The following ITPR1 variants were observed in gnomAD, a reference collection of about 807,000 sequenced individuals.
ITPR1 encodes inositol 1,4,5-trisphosphate-gated calcium channel ITPR1.
In ITPR1, 96 loss-of-function variants were observed where a neutral mutation model predicts 318.4. The observed-to-expected ratio is 0.30, with a 90% CI of 0.26 to 0.36. The LOEUF (loss-of-function observed/expected upper bound fraction) is 0.36, where lower values mean the gene tolerates loss of function less well. Ranked by LOEUF, ITPR1 falls within the 10% of genes least tolerant of loss-of-function variation. ITPR1 has a pLI of 1.00. For synonymous variants in ITPR1, 1,312 were observed against 1,289.9 expected, an observed-to-expected ratio of 1.02 and a Z score of -0.37; for missense variants, 2,440 against 3,460.2, an observed-to-expected ratio of 0.71 and a Z score of 7.40.
At chr3:4,563,171 G>A (rs991239088) in intron 4 of ITPR1, among the ~76,000 whole-genome samples, 1 of 152,110 alleles carries the variant, frequency 6.6e-6, no homozygotes, top group African/African-American at 2.4e-5. Context: ...GGAGCCTATT[G>A]GTGTGTCTTG....
At chr3:4,638,430 G>A (rs1464859744) in intron 5 of ITPR1, among the ~76,000 whole-genome samples, 3 of 152,166 alleles carry the variant, frequency 2.0e-5, no homozygotes. Context: ...AGTTGCACAG[G>A]TGAATGAATT....
intron 44 of ITPR1, among the ~76,000 whole-genome samples, chr3:4,741,764 G>C (rs544188270): frequency 2.0e-5 from 3 of 152,284 alleles, no homozygotes; most frequent in African/African-American, 7.2e-5. Flanking sequence ...GATCAGCCTT[G>C]GTTTGACAGG....
rs1444438302 is a variant in ITPR1, at chr3:4,710,593, G to A, written c.4991+120G>A. 1.0e-6 allele frequency: 1 copy of A among 989,316 alleles called. No individual in the cohort carries two copies. The highest frequency in any genetic ancestry group is 2.7e-5 in the East Asian group (1 of 37,324). 61.3% of individuals were successfully genotyped at this position (989,316 alleles called of 1,614,324 possible). ...TTAACTTTGATGAATGCAAGGTCATGTGCTAAAGTCCTGTTCTGACCTCCC... is the reference window on the plus strand; with the variant it reads ...TTAACTTTGATGAATGCAAGGTCATATGCTAAAGTCCTGTTCTGACCTCCC... On this transcript the variant is annotated intron_variant, in intron 38 of 61. Transcript: ENST00000649015. This position sits in a 1 kb window ranked among gnomAD's most constrained non-coding sequence, Gnocchi z 4.2.
At chr3:4,683,205 T>G (rs530917329) in intron 26 of ITPR1, among the ~76,000 whole-genome samples, 181 bp from the exon 27 acceptor site, 1 of 152,300 alleles carries the variant, frequency 6.6e-6, no homozygotes, top group South Asian at 2.1e-4. Context: ...TCCCCTCACC[T>G]CATAATATAG....
At chr3:4,735,122 G>C (rs180838278) in intron 43 of ITPR1, 42 bp from the exon 44 acceptor site, 2 of 1,511,972 alleles carry the variant, frequency 1.3e-6, no homozygotes, top group Admixed American at 1.7e-5. Context: ...AACATTAGCT[G>C]TTCTGATTGT....
At chr3:4,702,254 T>C (rs1353700585) in intron 35 of ITPR1, among the ~76,000 whole-genome samples, 1 of 152,210 alleles carries the variant, frequency 6.6e-6, no homozygotes, top group Non-Finnish European at 1.5e-5. Flanking sequence ...TCATAATAAA[T>C]GAATATTTAT....
chr3:4,838,041 T>C (rs1213417114), intron 61 of ITPR1, among the ~76,000 whole-genome samples: 1 of 152,242 alleles, frequency 6.6e-6, no homozygotes, highest in Non-Finnish European at 1.5e-5. Context: ...GCATCTAGAA[T>C]GCTCTTACTG....
intron 42 of ITPR1, among the ~76,000 whole-genome samples, chr3:4,728,906 G>C (rs1183338297): frequency 6.6e-6 from 1 of 152,202 alleles, no homozygotes; most frequent in Non-Finnish European, 1.5e-5. Flanking sequence ...CCAGAGAATA[G>C]CTCCAGGAAG....
At chr3:4,731,701 G>A (rs2042937710) in intron 42 of ITPR1, among the ~76,000 whole-genome samples, 2 of 152,124 alleles carry the variant, frequency 1.3e-5, no homozygotes, top group Admixed American at 1.3e-4. Context: ...TGATTGACAG[G>A]AGCCAAGAGT....
Position 4,656,533 on chromosome 3 carries a change from T to C in ITPR1, c.997-1591T>C, listed in dbSNP as rs140343773. ...AAGGGATGAGCAATTAGAGGAGAAA[T>C]TGTGAGAAAGGGAAGAGATACAGGT... On this transcript the variant is annotated intron_variant, in intron 12 of 61. Coordinates refer to ENST00000649015, the MANE Select transcript of ITPR1 (RefSeq NM_001378452.1). 2.5e-3 allele frequency among the ~76,000 whole-genome samples: 386 copies of C among 152,166 alleles called. 4 individuals carry two copies. The highest frequency in any genetic ancestry group is 0.023 in the Admixed American group (347 of 15,298).
Position 4,846,217 on chromosome 3 carries a change from C to T in ITPR1, c.8269C>T (p.Pro2757Ser), listed in dbSNP as rs1314021980. Residue 2757 changes from proline to serine, a missense_variant, in exon 62 of 62, where the codon CCA (proline) becomes TCA (serine). By Grantham distance (74) the Pro-to-Ser change is moderately conservative. This residue lies in a region of ITPR1 where 63 missense variants were observed against 63.4 expected (regional missense o/e 0.99). Coordinates refer to ENST00000649015, the MANE Select transcript of ITPR1 (RefSeq NM_001378452.1). ...PPHMNVNPQQ[P>S]A ...TCACATGAATGTCAACCCACAACAA[C>T]CAGCATAAGCAAATGAAAGAAAGGA... The T allele has an allele frequency of 3.2e-6, 5 of 1,553,474 alleles. No homozygotes were observed. The African/African-American group carries it at 4.1e-5, about 13-fold the overall frequency.
chr3:4,494,192 G>T (rs1225683063), intron 1 of ITPR1, among the ~76,000 whole-genome samples: 1 of 152,232 alleles, frequency 6.6e-6, no homozygotes, highest in African/African-American at 2.4e-5. Flanking sequence ...CCTCCCGCAC[G>T]TTCGAAGTTT....
chr3:4,736,458 T>A (rs1250714866), intron 44 of ITPR1, among the ~76,000 whole-genome samples: 1 of 152,262 alleles, frequency 6.6e-6, no homozygotes, highest in African/African-American at 2.4e-5. Flanking sequence ...AGCACCCTTG[T>A]GCCTTGGCAC....
rs370372028 is a variant in ITPR1, at chr3:4,583,679, T to C, written c.164-44084T>C. 3.9e-5 allele frequency among the ~76,000 whole-genome samples: 6 copies of C among 152,190 alleles called. No individual in the cohort carries two copies. In the East Asian group the frequency reaches 1.2e-3, roughly 29 times the overall value. On this transcript the variant is annotated intron_variant, in intron 4 of 61. Coordinates refer to ENST00000649015, the MANE Select transcript of ITPR1 (RefSeq NM_001378452.1). ...TTTGGTAAAGCTGCGGGGTTCGTTA[T>C]TCCTGGAAAGGGCTGTTTCACCAGT...
chr3:4,795,153 G>T lies in ITPR1; in HGVS notation c.6897G>T (p.Val2299=). ...TGGCCGTCCTGATGAACCTGCTGGT[G>T]GCGTTTTTCTACCCGTTTAAGGGAG... The part of the protein sequence containing the change: ...FNLAVLMNLL[V]AFFYPFKGVR... The change falls in exon 53 of 62, where the codon GTG becomes GTT. Residue 2299 remains valine (V), a synonymous_variant. Transcript: ENST00000649015. 6.2e-7 allele frequency: 1 copy of T among 1,613,718 alleles called. No individual in the cohort carries two copies. The highest frequency in any genetic ancestry group is 8.5e-7 in the Non-Finnish European group (1 of 1,179,788).
intron 4 of ITPR1, among the ~76,000 whole-genome samples, chr3:4,541,116 G>A (rs2084399347): frequency 1.3e-5 from 2 of 151,878 alleles, no homozygotes; most frequent in South Asian, 2.1e-4. Context: ...TGTTCATGAT[G>A]TTAGTGCTTT....
intron 18 of ITPR1, among the ~76,000 whole-genome samples, chr3:4,667,822 TAAATG>T (rs1369813854): frequency 6.6e-6 from 1 of 152,162 alleles, no homozygotes; most frequent in Non-Finnish European, 1.5e-5. Flanking sequence ...TTATGAAAAT[TAAATG>T]AGAATAAACG....
intron 4 of ITPR1, among the ~76,000 whole-genome samples, chr3:4,556,543 T>C (rs1420936139): frequency 1.3e-5 from 2 of 151,580 alleles, no homozygotes; most frequent in Non-Finnish European, 2.9e-5. Flanking sequence ...TTCCAGAATG[T>C]GATAATGTTA....
rs56152826 is a variant in ITPR1 at position 4,511,194 on chromosome 3, A to G, written c.-16-5282A>G. 5.2e-3 allele frequency among the ~76,000 whole-genome samples: 796 copies of G among 152,330 alleles called. 9 individuals carry two copies. Among genetic ancestry groups the G allele is most frequent in the African/African-American group, 0.018 (756 of 41,552 alleles). ...AGGTATAGAGAAGGCAGAGAGCAAT[A>G]CAGACGCTGAAGAGCAGCTCTGGCT... On this transcript the variant is annotated intron_variant, in intron 2 of 61. Transcript: ENST00000649015.
Sources: gnomAD v4.1 joint callset for allele counts (sites outside exome capture counted in the v4.1 genomes callset) on GRCh38, gnomAD v4.1.1 for gene constraint, gnomAD v4.1.1 regional missense constraint, Gnocchi (gnomAD v3.1) non-coding constraint, MANE v1.5 for transcripts, NCBI Gene and HGNC (gene_info 2026-07-23, HGNC 2026-07-21) for gene names.